Variants in PTPRD observed in about 807,000 individuals in gnomAD.
The protein encoded by PTPRD is receptor-type tyrosine-protein phosphatase delta.
A neutral mutation model predicts 214.5 loss-of-function variants in PTPRD; 34 were observed. The ratio of observed to expected loss-of-function variants is 0.16; its 90% confidence interval spans 0.12 to 0.21. PTPRD has a LOEUF of 0.21. Among genes scored for constraint, PTPRD ranks in the 10% least tolerant of loss-of-function variants. The pLI is 1.00. For synonymous variants in PTPRD, 1,128 were observed against 845.7 expected (o/e 1.33, Z -5.79); for missense variants, 2,545 against 2,398.7 (o/e 1.06, Z -1.27).
chr9:9,915,746 A>C (rs2080563396), intron 5 of PTPRD, among the ~76,000 whole-genome samples: 1 of 152,040 alleles, frequency 6.6e-6, no homozygotes, highest in African/African-American at 2.4e-5. Context: ...GGAGATCATT[A>C]AGTGAACAAA....
chr9:9,570,035 G>A (rs922351827), intron 8 of PTPRD, among the ~76,000 whole-genome samples: 2 of 150,608 alleles, frequency 1.3e-5, no homozygotes, highest in Non-Finnish European at 3.0e-5. Flanking sequence ...ATTTTTTAGG[G>A]AAAAAAAATA....
At chr9:9,952,681 G>C (rs1442967942) in intron 4 of PTPRD, among the ~76,000 whole-genome samples, 2 of 152,004 alleles carry the variant, frequency 1.3e-5, no homozygotes, top group African/African-American at 2.4e-5. Context: ...ATTTTGCCAG[G>C]ATAACTATTC....
chr9:9,114,291 G>C (rs745735251), intron 10 of PTPRD, among the ~76,000 whole-genome samples: 4 of 152,134 alleles, frequency 2.6e-5, no homozygotes, highest in African/African-American at 4.8e-5. Context: ...GTCTGTGTAT[G>C]TATCCTGTTA....
intron 5 of PTPRD, among the ~76,000 whole-genome samples, chr9:9,930,559 G>A (rs553872469): frequency 1.3e-5 from 2 of 152,218 alleles, no homozygotes; most frequent in South Asian, 4.1e-4. Context: ...TGAAACAGAA[G>A]TAACTTTGAA....
chr9:10,592,158 T>G (rs183296588), intron 2 of PTPRD, among the ~76,000 whole-genome samples: 3 of 152,108 alleles, frequency 2.0e-5, no homozygotes, highest in Admixed American at 1.3e-4. Context: ...CAAAACATCC[T>G]AGGAATTGGT....
At chr9:9,907,561 T>C (rs1367018276) in intron 5 of PTPRD, among the ~76,000 whole-genome samples, 3 of 152,010 alleles carry the variant, frequency 2.0e-5, no homozygotes, top group African/African-American at 7.2e-5. Flanking sequence ...ATCAGTCATG[T>C]AGGATCAGAG....
intron 11 of PTPRD, among the ~76,000 whole-genome samples, chr9:8,854,695 G>C (rs1022604821): frequency 6.6e-6 from 1 of 152,120 alleles, no homozygotes; most frequent in Non-Finnish European, 1.5e-5. Context: ...CTTCAGTCCA[G>C]GTCCCTCAAG....
At chr9:10,521,281 A>C (rs991091968) in intron 2 of PTPRD, among the ~76,000 whole-genome samples, 1 of 152,150 alleles carries the variant, frequency 6.6e-6, no homozygotes, top group African/African-American at 2.4e-5. Flanking sequence ...GGTGGTGGAA[A>C]CAGCAAAAGA....
At chr9:8,489,887 C>A (rs1416443355) in intron 27 of PTPRD, among the ~76,000 whole-genome samples, 1 of 152,194 alleles carries the variant, frequency 6.6e-6, no homozygotes, top group Non-Finnish European at 1.5e-5. Flanking sequence ...AATACTTGTA[C>A]ACTGGCACAC....
intron 12 of PTPRD, among the ~76,000 whole-genome samples, chr9:8,692,364 C>A (rs756573709): frequency 6.6e-6 from 1 of 151,988 alleles, no homozygotes; most frequent in African/African-American, 2.4e-5. Context: ...TCTATCATCT[C>A]TTCCTGGAAT....
intron 7 of PTPRD, among the ~76,000 whole-genome samples, chr9:9,608,379 T>G (rs1293977071): frequency 3.9e-5 from 6 of 152,182 alleles, no homozygotes; most frequent in Non-Finnish European, 8.8e-5. Flanking sequence ...CTTTTAATAC[T>G]GTACTAAAAG....
At chr9:9,576,769 C>CT (rs1438958575) in intron 7 of PTPRD, among the ~76,000 whole-genome samples, 5 of 152,032 alleles carry the variant, frequency 3.3e-5, no homozygotes, top group African/African-American at 1.2e-4. Context: ...TAAAGTCAAG[C>CT]TTTAAGGTTT....
intron 9 of PTPRD, among the ~76,000 whole-genome samples, chr9:9,292,316 T>G (rs1409664679): frequency 6.6e-6 from 1 of 151,412 alleles, no homozygotes; most frequent in Non-Finnish European, 1.5e-5. Context: ...ATTTAAACTT[T>G]TTGTTCATGG....
At chr9:8,888,592 A>G (rs1198963545) in intron 11 of PTPRD, among the ~76,000 whole-genome samples, 1 of 152,218 alleles carries the variant, frequency 6.6e-6, no homozygotes, top group Non-Finnish European at 1.5e-5. Context: ...GTACCAGACT[A>G]CAACCTAACA....
intron 2 of PTPRD, among the ~76,000 whole-genome samples, chr9:10,439,496 G>A (rs1424549811): frequency 6.6e-6 from 1 of 151,740 alleles, no homozygotes; most frequent in Non-Finnish European, 1.5e-5. Flanking sequence ...TATTTACAAG[G>A]TAGTGGTCTT....
At chr9:10,043,473 C>T (rs1290620515) in intron 3 of PTPRD, among the ~76,000 whole-genome samples, 4 of 151,760 alleles carry the variant, frequency 2.6e-5, no homozygotes, top group Non-Finnish European at 4.4e-5. Flanking sequence ...AATCCTATAG[C>T]TTAGAGATCT....
chr9:9,051,314 C>T (rs1248765893), intron 10 of PTPRD, among the ~76,000 whole-genome samples: 1 of 152,094 alleles, frequency 6.6e-6, no homozygotes, highest in Non-Finnish European at 1.5e-5. Context: ...TTAAAGTAGG[C>T]CCATTTTATT....
intron 11 of PTPRD, among the ~76,000 whole-genome samples, chr9:8,909,368 T>G (rs1182865287): frequency 6.6e-6 from 1 of 152,136 alleles, no homozygotes; most frequent in Non-Finnish European, 1.5e-5. Context: ...TCACAAAATA[T>G]TAGCAACCTA....
chr9:8,763,293 C>T (rs1237474824), intron 11 of PTPRD, among the ~76,000 whole-genome samples: 2 of 152,050 alleles, frequency 1.3e-5, no homozygotes, highest in African/African-American at 2.4e-5. Context: ...GGATGGATCG[C>T]CTGAAACCAG....
Sources: allele counts gnomAD v4.1 joint callset (sites outside exome capture counted in the v4.1 genomes callset), GRCh38; gene constraint gnomAD v4.1.1; transcripts MANE v1.5; gene names NCBI Gene and HGNC (gene_info 2026-07-23, HGNC 2026-07-21).